The following MGME1 variants were observed in gnomAD, a reference collection of about 807,000 sequenced individuals.
MGME1 encodes mitochondrial genome maintenance exonuclease 1.
A neutral mutation model predicts 33.0 loss-of-function variants in MGME1; 22 were observed. The observed-to-expected ratio is 0.67, with a 90% CI of 0.48 to 0.95. The LOEUF (loss-of-function observed/expected upper bound fraction) is 0.95, where lower values mean the gene tolerates loss of function less well. MGME1 is among the 40% of genes least tolerant of loss of function. The pLI is 0.00. For synonymous variants in MGME1, 133 were observed against 144.0 expected (o/e 0.92, Z 0.55); for missense variants, 383 against 397.8 (o/e 0.96, Z 0.32).
intron 2 of MGME1, among the ~76,000 whole-genome samples, chr20:17,971,207 T>C (rs2035720572): frequency 6.6e-6 from 1 of 152,232 alleles, no homozygotes; most frequent in Non-Finnish European, 1.5e-5. Context: ...CCTAAAACTA[T>C]GCGTGTAACA....
chr20:17,984,032 G>T (rs2036096538), intron 3 of MGME1, among the ~76,000 whole-genome samples: 1 of 151,608 alleles, frequency 6.6e-6, no homozygotes, highest in Admixed American at 6.6e-5. Context: ...CTTTTCTCCT[G>T]TTTTTTTTCT....
chr20:17,987,038 G>A (rs955645165), intron 3 of MGME1, among the ~76,000 whole-genome samples: 10 of 151,842 alleles, frequency 6.6e-5, no homozygotes, highest in Non-Finnish European at 1.2e-4. Context: ...AAATTAGCTG[G>A]GCGAGGTGGC....
At chr20:17,974,582 A>T (rs1018319501) in intron 2 of MGME1, among the ~76,000 whole-genome samples, 1 of 152,200 alleles carries the variant, frequency 6.6e-6, no homozygotes, top group African/African-American at 2.4e-5. Context: ...ATGTGTCCTA[A>T]TGTGTCCTAA....
In MGME1 at chr20:17,990,061, G is replaced by A; in HGVS notation, c.987G>A (p.Thr329=). ...TKWLLRLEEY[T]EKKKNQNIQK... ...GGCTTCTTCGACTAGAAGAATATACGGAAAAGAAAAAGAACCAGAATATTC... is the reference window on the plus strand; with the variant it reads ...GGCTTCTTCGACTAGAAGAATATACAGAAAAGAAAAAGAACCAGAATATTC... Residue 329 remains threonine (T), a synonymous_variant, in exon 5 of 5, where the codon ACG becomes ACA. Coordinates refer to ENST00000377710, the MANE Select transcript of MGME1 (RefSeq NM_052865.4). 8.1e-6 allele frequency: 13 copies of A among 1,613,854 alleles called. No individual in the cohort carries two copies. Among genetic ancestry groups the A allele is most frequent in the African/African-American group, 1.3e-5 (1 of 74,952 alleles).
At chr20:17,984,573 G>A (rs997851829) in intron 3 of MGME1, among the ~76,000 whole-genome samples, 1 of 151,996 alleles carries the variant, frequency 6.6e-6, no homozygotes, top group Admixed American at 6.6e-5. Flanking sequence ...GCATAAGCTG[G>A]TATATAACCA....
In MGME1 at chr20:17,990,323, C is replaced by A. The variant is rs1600412441; in HGVS notation, c.*214C>A. 2 of 581,970 alleles carry A rather than the reference C, an allele frequency of 3.4e-6. No homozygotes were observed. Among genetic ancestry groups the A allele is most frequent in the East Asian group, 5.7e-5 (2 of 34,902 alleles). The allele number at this position is 581,970 out of a possible 1,614,324, so 36.1% of individuals were successfully genotyped here. A position where few individuals can be genotyped will look rare whatever the true frequency, so the allele number is the denominator to read the frequency against. ...ACCTAGACTTCGGCACGCGAAATCC[C>A]AGCTATGCTACCTCTTATTTACCTG... is the stretch of plus-strand genomic sequence containing the variant. On this transcript the variant is annotated 3_prime_UTR_variant, in exon 5 of 5. Transcript: ENST00000377710.
chr20:17,988,078 A>G, intron 3 of MGME1, 88 bp from the exon 4 acceptor site: 2 of 1,319,198 alleles, frequency 1.5e-6, no homozygotes, highest in East Asian at 2.5e-5. Flanking sequence ...CTGACAAGTA[A>G]CAAACTATAC....
Position 17,970,311 on chromosome 20 carries a change from G to A in MGME1, c.452G>A (p.Arg151Lys), listed in dbSNP as rs148552334. The change falls in exon 2 of 5, where the codon AGG becomes AAG. Residue 151 changes from arginine to lysine, a missense_variant. Physicochemically the swap from Arg to Lys is conservative, Grantham distance 26. Transcript: ENST00000377710. The stretch of plus-strand genomic sequence containing the variant: ...AAACAACAGGTTTTCTTGTTGGAGA[G>A]GTGGAAACAGCGGATGATTCTGGAA... ...MTKQQVFLLERWKQRMILELG... is the reference protein window; with the variant it reads ...MTKQQVFLLEKWKQRMILELG... 1.2e-6 allele frequency: 2 copies of A among 1,614,136 alleles called. No homozygotes were observed. The highest frequency in any genetic ancestry group is 4.5e-5 in the East Asian group (2 of 44,884).
At chr20:17,980,545 C>T (rs2035987026) in intron 3 of MGME1, among the ~76,000 whole-genome samples, 1 of 151,958 alleles carries the variant, frequency 6.6e-6, no homozygotes, top group Admixed American at 6.6e-5. Flanking sequence ...CGCAGTGGCT[C>T]ACACCTGTAA....
chr20:17,981,648 C>CTGT (rs1491588702), intron 3 of MGME1, among the ~76,000 whole-genome samples: 9 of 139,810 alleles, frequency 6.4e-5, no homozygotes, highest in African/African-American at 2.4e-4. Flanking sequence ...ATCTACTACT[C>CTGT]GTGTGTGTGT....
At chr20:17,981,551 C>G (rs1201576537) in intron 3 of MGME1, among the ~76,000 whole-genome samples, 2 of 152,076 alleles carry the variant, frequency 1.3e-5, no homozygotes, top group African/African-American at 4.8e-5. Context: ...CTGTGTTGCC[C>G]AGACTAATCT....
intron 2 of MGME1, among the ~76,000 whole-genome samples, chr20:17,972,102 T>G (rs965931110): frequency 7.2e-5 from 11 of 152,082 alleles, no homozygotes; most frequent in Admixed American, 5.9e-4. Flanking sequence ...AAAGGGACAA[T>G]TAGTGTCATG....
In MGME1 at chr20:17,985,029, T is replaced by G. The variant is rs1340549297; in HGVS notation, c.732-3137T>G. 4.8e-5 allele frequency among the ~76,000 whole-genome samples: 5 copies of G among 103,798 alleles called. No individual in the cohort carries two copies. In the East Asian group the frequency reaches 1.3e-3, roughly 28 times the overall value. 68.1% of individuals were successfully genotyped at this position (103,798 alleles called of 152,430 possible). On this transcript the variant is annotated intron_variant, in intron 3 of 4. Coordinates refer to ENST00000377710, the MANE Select transcript of MGME1 (RefSeq NM_052865.4). ...TCCAGCCTGGGTGACAGAGCAAGAC[T>G]TTGTCTCAAAAAAAAAAAAAAAAAA... is the stretch of plus-strand genomic sequence containing the variant.
chr20:17,979,062 G>T (rs976979341), intron 3 of MGME1, among the ~76,000 whole-genome samples: 1 of 151,340 alleles, frequency 6.6e-6, no homozygotes, highest in Admixed American at 6.6e-5. Context: ...GTAAGTGTGA[G>T]CCACTGCACC....
rs553436022 is a variant in MGME1, at chr20:17,990,313, C to G, written c.*204C>G. 2.7e-5 allele frequency: 16 copies of G among 600,392 alleles called. No homozygotes were observed. Among genetic ancestry groups the G allele is most frequent in the African/African-American group, 1.5e-4 (8 of 53,250 alleles). The allele number at this position is 600,392 out of a possible 1,614,324, so 37.2% of individuals were successfully genotyped here. On this transcript the variant is annotated 3_prime_UTR_variant, in exon 5 of 5. Coordinates refer to ENST00000377710, the MANE Select transcript of MGME1 (RefSeq NM_052865.4). The stretch of plus-strand genomic sequence containing the variant: ...AGATATAAAGACCTAGACTTCGGCA[C>G]GCGAAATCCCAGCTATGCTACCTCT...
At chr20:17,972,072 C>T (rs2035742749) in intron 2 of MGME1, among the ~76,000 whole-genome samples, 1 of 152,076 alleles carries the variant, frequency 6.6e-6, no homozygotes, top group African/African-American at 2.4e-5. Flanking sequence ...TATTAGTAAG[C>T]AGTGGGTTCT....
intron 3 of MGME1, among the ~76,000 whole-genome samples, chr20:17,986,171 T>C (rs111982243): frequency 6.6e-6 from 1 of 152,032 alleles, no homozygotes; most frequent in African/African-American, 2.4e-5. Flanking sequence ...CAGGTTCAAG[T>C]AATTCTCCTG....
At position 17,989,090 on chromosome 20, in the gene MGME1, AAAAT is replaced by A. The variant is rs1297518904; in HGVS notation, c.864+802_864+805del. The stretch of plus-strand genomic sequence containing the variant: ...GCCGACAGAGCAAAACCCTGTCTCA[AAAAT>A]AAATAAATAGGCCAGGTGTGGTGGC... On this transcript the variant is annotated intron_variant, in intron 4 of 4. Transcript: ENST00000377710. Among the ~76,000 whole-genome samples the A allele has an allele frequency of 5.3e-5, 8 of 149,578 alleles. No homozygotes were observed. In the East Asian group the frequency reaches 8.1e-4, roughly 15 times the overall value.
Position 17,969,950 on chromosome 20 carries a change from TC to T in MGME1, c.93del (p.Ser32LeufsTer10). Reference sequence around the variant, plus strand: ...AGCTGCCCTTGTGGCTTTCTCTACTTCCTCTTACTCATGTGGCCGGAAGAAA... The same window carrying T: ...AGCTGCCCTTGTGGCTTTCTCTACTTCTCTTACTCATGTGGCCGGAAGAAA... ...ESAALVAFST[S>X]SYSCGRKKKV... On this transcript the variant is annotated frameshift_variant, in exon 2 of 5. Coordinates refer to ENST00000377710, the MANE Select transcript of MGME1 (RefSeq NM_052865.4). LOFTEE classifies it high-confidence loss of function. The T allele has an allele frequency of 6.2e-7, 1 of 1,614,210 alleles. No individual in the cohort carries two copies. The highest frequency in any genetic ancestry group is 8.5e-7 in the Non-Finnish European group (1 of 1,180,046).
Sources: gnomAD v4.1 joint callset for allele counts (sites outside exome capture counted in the v4.1 genomes callset) on GRCh38, gnomAD v4.1.1 for gene constraint, MANE v1.5 for transcripts, NCBI Gene and HGNC (gene_info 2026-07-23, HGNC 2026-07-21) for gene names.